CA9: variants seen among roughly 807,000 people sequenced by gnomAD.
CA9 encodes carbonic anhydrase 9, also known as CA-IX.
A neutral mutation model predicts 51.8 loss-of-function variants in CA9; 43 were observed. The observed-to-expected ratio is 0.83, with a 90% CI of 0.65 to 1.07. The LOEUF is 1.07. Among genes scored for constraint, CA9 ranks in the 50% least tolerant of loss-of-function variants. The pLI, the probability that CA9 is intolerant of heterozygous loss-of-function variation, is 0.00. For missense variants in CA9, 574 were observed against 581.4 expected (o/e 0.99, Z 0.13); for synonymous variants, 253 against 244.2 (o/e 1.04, Z -0.34).
At chr9:35,675,479 G>C (rs1824397641) in intron 1 of CA9, 59 bp from the exon 2 acceptor site, 2 of 1,597,700 alleles carry the variant, frequency 1.3e-6, no homozygotes, top group African/African-American at 2.7e-5. Context: ...CATCGTTTTG[G>C]TCGCCAGGAA....
chr9:35,676,288 C>G lies in CA9; in HGVS notation c.748-9C>G, dbSNP rs1563922469. The G allele has an allele frequency of 2.5e-6, 4 of 1,614,050 alleles. No individual in the cohort carries two copies. Among genetic ancestry groups the G allele is most frequent in the Non-Finnish European group, 3.4e-6 (4 of 1,180,012 alleles). On this transcript the variant is annotated splice_polypyrimidine_tract_variant and intron_variant, in intron 4 of 10. Coordinates refer to ENST00000378357, the MANE Select transcript of CA9 (RefSeq NM_001216.3). ...ACGTGGCCCTCTCCTACCCTCGTGT[C>G]CTTTTCAGATCCACGTGGTTCACCT...
chr9:35,676,415 T>A, intron 5 of CA9, 26 bp downstream of exon 5: 1 of 1,558,378 alleles, frequency 6.4e-7, no homozygotes, highest in African/African-American at 1.4e-5. Context: ...CACCCCCTAC[T>A]CCCCGCTTTC....
Position 35,674,109 on chromosome 9 carries a change from A to T in CA9, c.150A>T (p.Gly50=). ...GGATGCAGGAGGATTCCCCCTTGGG[A>T]GGAGGCTCTTCTGGGGAAGATGACC... ...LPRMQEDSPL[G]GGSSGEDDPL... is the part of the protein sequence containing the mutation. Residue 50 remains glycine (G), a synonymous_variant, in exon 1 of 11, where the codon GGA becomes GGT. Coordinates refer to ENST00000378357, the MANE Select transcript of CA9 (RefSeq NM_001216.3). The T allele has an allele frequency of 6.2e-7, 1 of 1,614,090 alleles. No homozygotes were observed. The highest frequency in any genetic ancestry group is 8.5e-7 in the Non-Finnish European group (1 of 1,179,960).
intron 6 of CA9, 96 bp downstream of exon 6, chr9:35,677,952 C>A: frequency 1.0e-6 from 1 of 989,084 alleles, no homozygotes; most frequent in Non-Finnish European, 1.6e-6. Flanking sequence ...GGGCTCCCTC[C>A]AGTGCAGGAG....
chr9:35,680,815 C>T lies in CA9; in HGVS notation c.1300C>T (p.Gln434Ter), dbSNP rs758998794. 1.9e-6 allele frequency: 3 copies of T among 1,614,106 alleles called. No individual in the cohort carries two copies. In the African/African-American group the frequency reaches 4.0e-5, roughly 22 times the overall value. The change falls in exon 10 of 11, where the codon CAG becomes TAG. Residue 434 changes from glutamine to a stop codon, truncating the protein, a stop_gained. Transcript: ENST00000378357. LOFTEE classifies it high-confidence loss of function. ...TGTCACCAGCGTCGCGTTCCTTGTGCAGATGAGAAGGCAGCACAGGTATTA... is the reference window on the plus strand; with the variant it reads ...TGTCACCAGCGTCGCGTTCCTTGTGTAGATGAGAAGGCAGCACAGGTATTA... ...FAVTSVAFLVQMRRQHRRGTK... is the reference protein window; with the variant it reads ...FAVTSVAFLV
At position 35,677,678 on chromosome 9, in the gene CA9, AT is replaced by A. The variant is rs929163007; in HGVS notation, c.841-110del. 5.0e-5 allele frequency: 40 copies of A among 797,276 alleles called. No homozygotes were observed. In the African/African-American group the frequency reaches 5.9e-4, roughly 12 times the overall value. The allele number at this position is 797,276 out of a possible 1,614,324, so 49.4% of individuals were successfully genotyped here. ...CATTACAATTTTATGTTCCCTCAGC[AT>A]TCTCAGAGCTGAGGAATGGGAGAGG... On this transcript the variant is annotated intron_variant, in intron 5 of 10. Coordinates refer to ENST00000378357, the MANE Select transcript of CA9 (RefSeq NM_001216.3).
At position 35,675,939 on chromosome 9, in the gene CA9, G is replaced by C; in HGVS notation, c.604+8G>C. The C allele has an allele frequency of 6.2e-7, 1 of 1,600,302 alleles. No individual in the cohort carries two copies. Among genetic ancestry groups the C allele is most frequent in the Non-Finnish European group, 8.5e-7 (1 of 1,173,196 alleles). On this transcript the variant is annotated splice_region_variant and intron_variant, in intron 3 of 10. Transcript: ENST00000378357. ...GCAACAATGGCCACAGTGGTGAGGG[G>C]GTCTCCCCGCCGAGACTTGGGGATG...
chr9:35,679,202 C>T lies in CA9; in HGVS notation c.925C>T (p.Pro309Ser). 1 of 1,614,070 alleles carries T rather than the reference C, an allele frequency of 6.2e-7. No homozygotes were observed. Among genetic ancestry groups the T allele is most frequent in the Admixed American group, 1.7e-5 (1 of 59,986 alleles). Residue 309 changes from proline to serine, a missense_variant, in exon 7 of 11, where the codon CCA (proline) becomes TCA (serine). By Grantham distance (74) the Pro-to-Ser change is moderately conservative. Coordinates refer to ENST00000378357, the MANE Select transcript of CA9 (RefSeq NM_001216.3). ...CTTCACAGGCTCAGAGACTCAGGTCCCAGGACTGGACATATCTGCACTCCT... is the reference window on the plus strand; with the variant it reads ...CTTCACAGGCTCAGAGACTCAGGTCTCAGGACTGGACATATCTGCACTCCT... ...IAEEGSETQVPGLDISALLPS... is the reference protein window; with the variant it reads ...IAEEGSETQVSGLDISALLPS...
At position 35,676,066 on chromosome 9, in the gene CA9, C is replaced by G. The variant is rs1183070979; in HGVS notation, c.607C>G (p.Gln203Glu). 6.2e-7 allele frequency: 1 copy of G among 1,613,196 alleles called. No homozygotes were observed. Residue 203 changes from glutamine to glutamate, a missense_variant and splice_region_variant, in exon 4 of 11, where the codon CAA (glutamine) becomes GAA (glutamate). Transcript: ENST00000378357. The stretch of plus-strand genomic sequence containing the variant: ...CTCACTTGCCTCTCCCTACGCAGTG[C>G]AACTGACCCTGCCTCCTGGGCTAGA... ...LRLRNNGHSV[Q>E]LTLPPGLEMA...
rs1236568101 is a variant in CA9 at position 35,674,241 on chromosome 9, T to G, written c.282T>G (p.Asp94Glu). ...PGEEDLPGEE[D>E]LPEVKPKSEE... ...AGGAGGATCTACCTGGAGAGGAGGA[T>G]CTACCTGAAGTTAAGCCTAAATCAG... The change falls in exon 1 of 11, where the codon GAT (aspartate) becomes GAG (glutamate). Residue 94 changes from aspartate (D) to glutamate (E), a missense_variant. By Grantham distance (45) the Asp-to-Glu change is conservative (BLOSUM62 2). Transcript: ENST00000378357. 6.2e-7 allele frequency: 1 copy of G among 1,614,096 alleles called. No individual in the cohort carries two copies. The highest frequency in any genetic ancestry group is 2.2e-5 in the East Asian group (1 of 44,882).
rs1381554605 is a variant in CA9 at position 35,675,819 on chromosome 9, G to T, written c.492G>T (p.Val164=). ...GCGCGGGCCGCTTCCAGTCCCCGGT[G>T]GATATCCGCCCCCAGCTCGCCGCCT... ...PACAGRFQSP[V]DIRPQLAAFC... Residue 164 remains valine (V), a synonymous_variant, in exon 3 of 11, where the codon GTG becomes GTT. Transcript: ENST00000378357. 2 of 1,603,864 alleles carry T rather than the reference G, an allele frequency of 1.2e-6. No individual in the cohort carries two copies.
intron 9 of CA9, 74 bp from the exon 10 acceptor site, chr9:35,680,679 A>G: frequency 1.6e-6 from 2 of 1,240,778 alleles, no homozygotes; most frequent in Non-Finnish European, 2.4e-6. Context: ...GGTGGAGTGC[A>G]CTGAGGCAGG....
rs1222163728 is a variant in CA9 at position 35,679,966 on chromosome 9, G to T, written c.1178G>T (p.Gly393Val). The T allele has an allele frequency of 6.2e-7, 1 of 1,614,214 alleles. No homozygotes were observed. Among genetic ancestry groups the T allele is most frequent in the Non-Finnish European group, 8.5e-7 (1 of 1,180,038 alleles). ...GTGATTGAGGCCTCCTTCCCTGCTG[G>T]AGTGGACAGCAGTCCTCGGGCTGCT... ...GRVIEASFPAGVDSSPRAAEP... is the reference protein window; with the variant it reads ...GRVIEASFPAVVDSSPRAAEP... The change falls in exon 8 of 11, where the codon GGA becomes GTA. Residue 393 changes from glycine to valine, a missense_variant. Gly to Val is a moderately radical substitution (Grantham distance 109). Transcript: ENST00000378357.
chr9:35,679,270 G>T lies in CA9; in HGVS notation c.993G>T (p.Leu331=). Residue 331 remains leucine, a synonymous_variant, in exon 7 of 11, where the codon CTG becomes CTT. Transcript: ENST00000378357. ...GCTACTTCCAATATGAGGGGTCTCT[G>T]ACTACACCGCCCTGTGCCCAGGGTG... ...FSRYFQYEGS[L]TTPPCAQGVI... 6.2e-7 allele frequency: 1 copy of T among 1,614,184 alleles called. No homozygotes were observed. The highest frequency in any genetic ancestry group is 8.5e-7 in the Non-Finnish European group (1 of 1,180,018).
intron 4 of CA9, 37 bp from the exon 5 acceptor site, chr9:35,676,260 G>A: frequency 6.2e-7 from 1 of 1,613,748 alleles, no homozygotes; most frequent in Non-Finnish European, 8.5e-7. Flanking sequence ...AGCGGGGCCA[G>A]AGACGTGGCC....
chr9:35,679,290 A>G lies in CA9; in HGVS notation c.1013A>G (p.Gln338Arg). 1.2e-6 allele frequency: 2 copies of G among 1,614,208 alleles called. No homozygotes were observed. Among genetic ancestry groups the G allele is most frequent in the Non-Finnish European group, 1.7e-6 (2 of 1,180,036 alleles). ...EGSLTTPPCA[Q>R]GVIWTVFNQT... ...TCTCTGACTACACCGCCCTGTGCCC[A>G]GGGTGTCATCTGGACTGTGTTTAAC... The change falls in exon 7 of 11, where the codon CAG (glutamine) becomes CGG (arginine). Residue 338 changes from glutamine to arginine, a missense_variant. By Grantham distance (43) the Gln-to-Arg change is conservative. Transcript: ENST00000378357.
At position 35,675,802 on chromosome 9, in the gene CA9, C is replaced by T. The variant is rs184826298; in HGVS notation, c.475C>T (p.Arg159Cys). 2.5e-6 allele frequency: 4 copies of T among 1,603,374 alleles called. No individual in the cohort carries two copies. The highest frequency in any genetic ancestry group is 3.4e-6 in the Non-Finnish European group (4 of 1,179,406). The change falls in exon 3 of 11, where the codon CGC becomes TGC. Residue 159 changes from arginine to cysteine, a missense_variant. Coordinates refer to ENST00000378357, the MANE Select transcript of CA9 (RefSeq NM_001216.3). ...WPRVSPACAGRFQSPVDIRPQ... is the reference protein window; with the variant it reads ...WPRVSPACAGCFQSPVDIRPQ... Reference sequence around the variant, plus strand: ...CCGGGTGTCCCCAGCCTGCGCGGGCCGCTTCCAGTCCCCGGTGGATATCCG... The same window carrying T: ...CCGGGTGTCCCCAGCCTGCGCGGGCTGCTTCCAGTCCCCGGTGGATATCCG...
Position 35,676,059 on chromosome 9 carries a change from C to A in CA9, c.605-5C>A. On this transcript the variant is annotated splice_region_variant and splice_polypyrimidine_tract_variant and intron_variant, in intron 3 of 10. Transcript: ENST00000378357. ...GGGCCGGCTCACTTGCCTCTCCCTA[C>A]GCAGTGCAACTGACCCTGCCTCCTG... 1 of 1,612,948 alleles carries A rather than the reference C, an allele frequency of 6.2e-7. No individual in the cohort carries two copies. Among genetic ancestry groups the A allele is most frequent in the East Asian group, 2.2e-5 (1 of 44,816 alleles).
intron 3 of CA9, 59 bp from the exon 4 acceptor site, chr9:35,676,005 C>G: frequency 1.9e-6 from 3 of 1,604,904 alleles, no homozygotes; most frequent in Non-Finnish European, 2.6e-6. Flanking sequence ...GCAGTGCCTG[C>G]CCGGGGGTTG....
Sources: allele counts gnomAD v4.1 joint callset, GRCh38; gene constraint gnomAD v4.1.1; transcripts MANE v1.5; gene names NCBI Gene and HGNC (gene_info 2026-07-23, HGNC 2026-07-21).